Variants in THRAP3 observed in about 807,000 individuals in gnomAD.
THRAP3 encodes thyroid hormone receptor associated protein 3, also known as thyroid hormone receptor-associated protein 3.
In THRAP3, 16 loss-of-function variants were observed where a neutral mutation model predicts 101.0. That is an observed-to-expected ratio of 0.16 (90% CI 0.11 to 0.24). The LOEUF is 0.24. Ranked by LOEUF, THRAP3 falls within the 10% of genes least tolerant of loss-of-function variation. The probability of loss-of-function intolerance (pLI) is 1.00; values close to 1 mark genes in which losing one functional copy is unlikely to be tolerated. For synonymous variants in THRAP3, 407 were observed against 422.6 expected, an observed-to-expected ratio of 0.96 and a Z score of 0.45; for missense variants, 989 against 1,202.7, an observed-to-expected ratio of 0.82 and a Z score of 2.63.
chr1:36,213,951 GA>G, the THRAP3 span, among the ~76,000 whole-genome samples: 17 of 117,024 alleles, frequency 1.5e-4, no homozygotes, highest in Non-Finnish European at 2.6e-4. Flanking sequence ...AAGAAAGAAA[GA>G]AAGAAAGAAG....
upstream of THRAP3, among the ~76,000 whole-genome samples, chr1:36,220,971 AAAT>A (rs1355079109): frequency 3.8e-5 from 5 of 133,104 alleles, no homozygotes; most frequent in South Asian, 2.3e-4. Flanking sequence ...AAAAAAAAAA[AAAT>A]ATATATATAT....
chr1:36,227,978 C>G (rs893319197), intron 1 of THRAP3, among the ~76,000 whole-genome samples: 2 of 151,624 alleles, frequency 1.3e-5, no homozygotes, highest in African/African-American at 4.9e-5. Flanking sequence ...TGGGTTCAAG[C>G]GATTCTCCTG....
chr1:36,228,527 GTATTTT>G (rs1408187721), intron 1 of THRAP3, among the ~76,000 whole-genome samples: 2 of 152,300 alleles, frequency 1.3e-5, no homozygotes, highest in South Asian at 4.1e-4. Context: ...CCTAATTTTT[GTATTTT>G]TAGTAGAGAC....
chr1:36,220,789 A>G (rs1644898781), upstream of THRAP3, among the ~76,000 whole-genome samples: 3 of 151,336 alleles, frequency 2.0e-5, no homozygotes, highest in Admixed American at 2.0e-4. Flanking sequence ...ACCTGTCTCT[A>G]CTAAAAACAC....
chr1:36,263,905 C>T (rs1275378673), intron 2 of THRAP3, among the ~76,000 whole-genome samples: 1 of 152,186 alleles, frequency 6.6e-6, no homozygotes, highest in Non-Finnish European at 1.5e-5. Context: ...GTGAATGTGA[C>T]CTTTTGACTT....
intron 2 of THRAP3, among the ~76,000 whole-genome samples, chr1:36,279,843 T>G (rs1645709075): frequency 6.6e-6 from 1 of 152,236 alleles, no homozygotes; most frequent in Admixed American, 6.5e-5. Context: ...AAATACTACC[T>G]TTCAGTTTAT....
At chr1:36,226,889 G>A (rs1258923934) in intron 1 of THRAP3, among the ~76,000 whole-genome samples, 2 of 152,134 alleles carry the variant, frequency 1.3e-5, no homozygotes, top group Non-Finnish European at 2.9e-5. Flanking sequence ...ATTGTTGGGG[G>A]CGGGGAACAC....
intron 1 of THRAP3, among the ~76,000 whole-genome samples, chr1:36,236,535 A>G (rs1288691520): frequency 6.8e-6 from 1 of 148,056 alleles, no homozygotes; most frequent in Non-Finnish European, 1.5e-5. Context: ...AGCTTAACTG[A>G]TCCTCCCACT....
intron 2 of THRAP3, among the ~76,000 whole-genome samples, chr1:36,269,257 A>G (rs558622433): frequency 1.3e-5 from 2 of 152,162 alleles, no homozygotes; most frequent in South Asian, 4.1e-4. Flanking sequence ...ATGCCAAACA[A>G]ACAGTTGAAG....
chr1:36,283,102 A>G (rs1468389999), intron 3 of THRAP3, among the ~76,000 whole-genome samples: 2 of 152,258 alleles, frequency 1.3e-5, no homozygotes, highest in Non-Finnish European at 2.9e-5. Flanking sequence ...CAACATGGCA[A>G]GGAAAAGAAG....
intron 1 of THRAP3, among the ~76,000 whole-genome samples, chr1:36,237,383 G>T (rs142550139): frequency 6.7e-6 from 1 of 150,160 alleles, no homozygotes; most frequent in South Asian, 2.1e-4. Context: ...CAGGAGAATC[G>T]CTTGAACCCA....
intron 2 of THRAP3, among the ~76,000 whole-genome samples, chr1:36,262,959 A>ATTTTTTT (rs55662646): frequency 2.2e-4 from 23 of 104,360 alleles, no homozygotes; most frequent in South Asian, 3.5e-4. Context: ...GGGCCGGCTA[A>ATTTTTTT]TTTTTTTTTT....
intron 2 of THRAP3, among the ~76,000 whole-genome samples, chr1:36,262,022 G>A (rs1645452429): frequency 6.6e-6 from 1 of 152,170 alleles, no homozygotes; most frequent in African/African-American, 2.4e-5. Flanking sequence ...CTCAAGGACA[G>A]TGCTGCTCAA....
chr1:36,301,509 C>G, intron 10 of THRAP3, 44 bp from the exon 11 acceptor site: 1 of 1,598,540 alleles, frequency 6.3e-7, no homozygotes, highest in Non-Finnish European at 8.5e-7. Context: ...GTTCCCCATT[C>G]CTGGCATGAT....
intron 1 of THRAP3, among the ~76,000 whole-genome samples, chr1:36,240,881 A>C (rs1645146548): frequency 6.6e-6 from 1 of 152,180 alleles, no homozygotes; most frequent in Non-Finnish European, 1.5e-5. Flanking sequence ...AAATAGGTAA[A>C]GTGTGCCATT....
upstream of THRAP3, among the ~76,000 whole-genome samples, chr1:36,223,108 C>A (rs1366570207): frequency 6.6e-6 from 1 of 151,910 alleles, no homozygotes; most frequent in Non-Finnish European, 1.5e-5. Context: ...GCCTGGGCGA[C>A]ATAGGGAGAA....
Position 36,287,238 on chromosome 1 carries a change from T to C in THRAP3, c.1008T>C (p.Ser336=). The C allele has an allele frequency of 1.2e-6, 2 of 1,612,792 alleles. No homozygotes were observed. Among genetic ancestry groups the C allele is most frequent in the Non-Finnish European group, 1.7e-6 (2 of 1,179,322 alleles). Residue 336 remains serine, a synonymous_variant, in exon 4 of 12, where the codon AGT becomes AGC. Coordinates refer to ENST00000354618, the MANE Select transcript of THRAP3 (RefSeq NM_005119.4). ...ATGGCTCATCTCAGAAGGAGGAGAG[T>C]GCTGCTTCAGGAGGAGCAGCCTATA... is the stretch of plus-strand genomic sequence containing the variant. The part of the protein sequence containing the change: ...STYGSSQKEE[S]AASGGAAYTK...
At chr1:36,280,373 T>C (rs894441344) in intron 2 of THRAP3, among the ~76,000 whole-genome samples, 1 of 152,222 alleles carries the variant, frequency 6.6e-6, no homozygotes, top group African/African-American at 2.4e-5. Context: ...AAAGACAGAA[T>C]AACAAGTAAA....
At position 36,301,583 on chromosome 1, in the gene THRAP3, A is replaced by G. The variant is rs370630270; in HGVS notation, c.2533A>G (p.Arg845Gly). The G allele has an allele frequency of 1.2e-6, 2 of 1,614,174 alleles. No homozygotes were observed. Among genetic ancestry groups the G allele is most frequent in the Non-Finnish European group, 1.7e-6 (2 of 1,180,012 alleles). ...QFRARGRGWG[R>G]GNYSGNNNNN... is the part of the protein sequence containing the mutation. ...TCGAGCCAGAGGAAGAGGCTGGGGC[A>G]GAGGCAACTACTCTGGGAACAATAA... Residue 845 changes from arginine (R) to glycine (G), a missense_variant, in exon 11 of 12, where the codon AGA becomes GGA. Coordinates refer to ENST00000354618, the MANE Select transcript of THRAP3 (RefSeq NM_005119.4).
Sources: allele counts gnomAD v4.1 joint callset (sites outside exome capture counted in the v4.1 genomes callset), GRCh38; gene constraint gnomAD v4.1.1; transcripts MANE v1.5; gene names NCBI Gene and HGNC (gene_info 2026-07-23, HGNC 2026-07-21).